The following PKD1L1 variants were observed in gnomAD, a reference collection of about 807,000 sequenced individuals.
PKD1L1 encodes polycystin 1 like 1, transient receptor potential channel interacting, also known as polycystin-1-like protein 1.
In PKD1L1, 236 loss-of-function variants were observed where a neutral mutation model predicts 323.4. The observed-to-expected ratio is 0.73, with a 90% CI of 0.66 to 0.81. The LOEUF (loss-of-function observed/expected upper bound fraction) is 0.81, where lower values mean the gene tolerates loss of function less well. Among genes scored for constraint, PKD1L1 ranks in the 40% least tolerant of loss-of-function variants. The pLI, the probability that PKD1L1 is intolerant of heterozygous loss-of-function variation, is 0.00. For synonymous variants in PKD1L1, 1,344 were observed against 1,335.0 expected (o/e 1.01, Z -0.15); for missense variants, 3,320 against 3,508.0 (o/e 0.95, Z 1.35).
chr7:47,857,270 T>G (rs1442009177), intron 28 of PKD1L1, among the ~76,000 whole-genome samples: 2 of 152,232 alleles, frequency 1.3e-5, no homozygotes, highest in East Asian at 3.8e-4. Context: ...TTGGCCAGAA[T>G]GCTTGCATAA....
In PKD1L1 at chr7:47,888,244, C is replaced by T. The variant is rs1056957850; in HGVS notation, c.2676-94G>A. 5.3e-6 allele frequency: 7 copies of T among 1,312,836 alleles called. No homozygotes were observed. In the East Asian group the frequency reaches 1.2e-4, roughly 22 times the overall value. 81.3% of individuals were successfully genotyped at this position (1,312,836 alleles called of 1,614,324 possible). A position where few individuals can be genotyped will look rare whatever the true frequency, so the allele number is the denominator to read the frequency against. ...TGTTAGGCATGTTTAAATCACCCTA[C>T]TTTGGATCTTTATTAAGGGACTTCA... On this transcript the variant is annotated intron_variant, in intron 16 of 56. Coordinates refer to ENST00000289672, the MANE Select transcript of PKD1L1 (RefSeq NM_138295.5).
rs752008785 is a variant in PKD1L1 at position 47,835,106 on chromosome 7, A to G, written c.6054+27T>C. 4 of 1,602,120 alleles carry G rather than the reference A, an allele frequency of 2.5e-6. No homozygotes were observed. In the African/African-American group the frequency reaches 4.0e-5, roughly 16 times the overall value. On this transcript the variant is annotated intron_variant, in intron 38 of 56. Transcript: ENST00000289672. ...CAATGAAGGGGCTGCTCAGGAGAAC[A>G]GGGCCATGAGGACAAGTCGCAGGTA...
intron 46 of PKD1L1, among the ~76,000 whole-genome samples, chr7:47,820,220 C>T (rs1420899831): frequency 6.6e-6 from 1 of 152,162 alleles, no homozygotes; most frequent in Non-Finnish European, 1.5e-5. Flanking sequence ...CAATATGCAT[C>T]CCAATTTTAG....
chr7:47,790,977 C>T (rs1428232513), intron 56 of PKD1L1, among the ~76,000 whole-genome samples: 4 of 152,096 alleles, frequency 2.6e-5, no homozygotes, highest in African/African-American at 4.8e-5. Context: ...CTCAAGTGAT[C>T]CTCCTGCCTT....
chr7:47,938,090 G>A (rs11769375), intron 3 of PKD1L1, among the ~76,000 whole-genome samples: 1 of 152,138 alleles, frequency 6.6e-6, no homozygotes, highest in Non-Finnish European at 1.5e-5. Context: ...TGAGGGCCCA[G>A]GGCCTCACTC....
Position 47,840,321 on chromosome 7 carries a change from T to A in PKD1L1, c.5552+140A>T. The A allele has an allele frequency of 1.7e-6, 1 of 599,798 alleles. No individual in the cohort carries two copies. The highest frequency in any genetic ancestry group is 3.0e-6 in the Non-Finnish European group (1 of 337,300). The allele number at this position is 599,798 out of a possible 1,614,324, so 37.2% of individuals were successfully genotyped here. On this transcript the variant is annotated intron_variant, in intron 35 of 56. Transcript: ENST00000289672. This position sits in a 1 kb window ranked among gnomAD's most constrained non-coding sequence, Gnocchi z 4.1. ...AGAATAATAAACTAAAAATACATCA[T>A]AAAATTGTTTGTATATAAATCGATG...
intron 56 of PKD1L1, among the ~76,000 whole-genome samples, chr7:47,780,817 A>C (rs1043980941): frequency 2.0e-5 from 3 of 152,246 alleles, no homozygotes; most frequent in Non-Finnish European, 4.4e-5. Flanking sequence ...CCATTCACTC[A>C]GTGAAAGCTA....
chr7:47,779,988 T>C (rs947245926), intron 56 of PKD1L1, among the ~76,000 whole-genome samples: 4 of 152,148 alleles, frequency 2.6e-5, no homozygotes, highest in Admixed American at 6.5e-5. Context: ...ATTTTCAACT[T>C]ATTGTAATTT....
At chr7:47,793,981 T>A (rs945502818) in intron 55 of PKD1L1, among the ~76,000 whole-genome samples, 1 of 152,104 alleles carries the variant, frequency 6.6e-6, no homozygotes, top group East Asian at 1.9e-4. Flanking sequence ...AGAGATGATT[T>A]TTAGGGTATC....
intron 2 of PKD1L1, among the ~76,000 whole-genome samples, chr7:47,940,828 G>C (rs1419693234): frequency 6.6e-6 from 1 of 152,204 alleles, no homozygotes; most frequent in Non-Finnish European, 1.5e-5. Flanking sequence ...TCTGAGGGCT[G>C]AAGGCCGGGC....
chr7:47,904,563 G>A lies in PKD1L1; in HGVS notation c.1746C>T (p.Pro582=), dbSNP rs1255541854. The A allele has an allele frequency of 3.1e-6, 5 of 1,614,008 alleles. No homozygotes were observed. The highest frequency in any genetic ancestry group is 4.2e-6 in the Non-Finnish European group (5 of 1,180,034). The part of the protein sequence containing the change: ...SNRMSSVVSE[P]HVIRVQKKIV... ...TTTTCTTCTGCACCCTGATGACATG[G>A]GGCTCAGAGACCACACTGCTCATCC... Residue 582 remains proline, a synonymous_variant, in exon 12 of 57, where the codon CCC becomes CCT. Transcript: ENST00000289672.
the PKD1L1 span, among the ~76,000 whole-genome samples, chr7:47,958,367 C>T: frequency 2.0e-5 from 3 of 152,174 alleles, no homozygotes; most frequent in East Asian, 5.8e-4. Context: ...ATAAACGATG[C>T]TGGGAAAACT....
At chr7:47,827,503 G>A (rs946691379) in intron 44 of PKD1L1, 35 bp from the exon 45 acceptor site, 8 of 1,564,314 alleles carry the variant, frequency 5.1e-6, no homozygotes, top group Admixed American at 1.7e-5. Context: ...GCTGCGGGCT[G>A]GTGGGTGGAA....
rs3832463 is a variant in PKD1L1 at position 47,803,151 on chromosome 7, C to CAA, written c.7962+58_7962+59insTT. On this transcript the variant is annotated intron_variant, in intron 53 of 56. Transcript: ENST00000289672. ...TTGTTTTTCCCTTGAGAAAGGCTGA[C>CAA]GAGTACACAGATCAATGGTTTACAA... is the stretch of plus-strand genomic sequence containing the variant. The CAA allele has an allele frequency of 0.077, 123,111 of 1,599,448 alleles. 5,587 individuals carry two copies. Among genetic ancestry groups the CAA allele is most frequent in the East Asian group, 0.18 (8,172 of 44,636 alleles).
chr7:47,859,679 T>C (rs1294021760), intron 26 of PKD1L1, among the ~76,000 whole-genome samples: 2 of 148,580 alleles, frequency 1.3e-5, no homozygotes, highest in African/African-American at 5.0e-5. Context: ...CAGGCTGGAG[T>C]GCAGTGGCAC....
At chr7:47,898,236 C>G (rs760779119) in intron 13 of PKD1L1, 42 bp from the exon 14 acceptor site, 43 of 1,503,364 alleles carry the variant, frequency 2.9e-5, no homozygotes, top group Middle Eastern at 3.7e-4. Flanking sequence ...AAATGTCCAT[C>G]ACATCTAATG....
chr7:47,941,167 G>C (rs1409471104), intron 2 of PKD1L1, among the ~76,000 whole-genome samples: 1 of 152,240 alleles, frequency 6.6e-6, no homozygotes, highest in Non-Finnish European at 1.5e-5. Flanking sequence ...AGGAAGTGGG[G>C]GTGGCGGGTG....
intron 9 of PKD1L1, among the ~76,000 whole-genome samples, chr7:47,906,897 T>TAAA (rs58556871): frequency 0.014 from 2,155 of 149,532 alleles, 46 homozygotes; most frequent in African/African-American, 0.05. Context: ...TCAAAAGTGT[T>TAAA]AAAAAAAAAA....
chr7:47,834,503 A>G (rs944525563), intron 39 of PKD1L1, 118 bp from the exon 40 acceptor site: 2 of 830,862 alleles, frequency 2.4e-6, no homozygotes, highest in African/African-American at 3.4e-5. Context: ...TTCCTTCCTG[A>G]CTCAGCCAGA....
Sources: gnomAD v4.1 joint callset for allele counts (sites outside exome capture counted in the v4.1 genomes callset) on GRCh38, gnomAD v4.1.1 for gene constraint, Gnocchi (gnomAD v3.1) non-coding constraint, MANE v1.5 for transcripts, NCBI Gene and HGNC (gene_info 2026-07-23, HGNC 2026-07-21) for gene names.